PPP2R2B: variants seen among roughly 807,000 people sequenced by gnomAD.
The protein encoded by PPP2R2B is serine/threonine-protein phosphatase 2A 55 kDa regulatory subunit B beta isoform.
A neutral mutation model predicts 46.0 loss-of-function variants in PPP2R2B; 5 were observed. The ratio of observed to expected loss-of-function variants is 0.11; its 90% confidence interval spans 0.06 to 0.23. The LOEUF (loss-of-function observed/expected upper bound fraction) is 0.23, where lower values mean the gene tolerates loss of function less well. Among genes scored for constraint, PPP2R2B ranks in the 10% least tolerant of loss-of-function variants. The pLI, the probability that PPP2R2B is intolerant of heterozygous loss-of-function variation, is 1.00. For missense variants in PPP2R2B, 367 were observed against 575.0 expected (o/e 0.64, Z 3.70); for synonymous variants, 215 against 206.7 (o/e 1.04, Z -0.34).
rs549937557 is a variant in PPP2R2B, at chr5:146,847,346, T to A, written c.70+30656A>T. Among the ~76,000 whole-genome samples the A allele has an allele frequency of 9.8e-5, 15 of 152,348 alleles. No individual in the cohort carries two copies. The East Asian group carries it at 2.7e-3, about 27-fold the overall frequency. ...CTACTTCCTCCTCCTCTTAGGCTCC[T>A]CACACCAGTCATTCTGAACTCCACT... On this transcript the variant is annotated intron_variant, in intron 2 of 9. Transcript: ENST00000394411.
intron 7 of PPP2R2B, among the ~76,000 whole-genome samples, chr5:146,630,470 G>C (rs1254840705): frequency 6.6e-6 from 1 of 152,212 alleles, no homozygotes; most frequent in Non-Finnish European, 1.5e-5. Context: ...GTGTTCTCTT[G>C]AAGAGCTACA....
At chr5:147,054,981 C>T (rs973347426) in intron 1 of PPP2R2B, among the ~76,000 whole-genome samples, 4 of 152,142 alleles carry the variant, frequency 2.6e-5, no homozygotes, top group Non-Finnish European at 5.9e-5. Context: ...GTTTACAAGG[C>T]ACACATACAC....
intron 1 of PPP2R2B, among the ~76,000 whole-genome samples, chr5:146,963,927 T>G (rs899530582): frequency 6.6e-6 from 1 of 152,234 alleles, no homozygotes; most frequent in Non-Finnish European, 1.5e-5. Flanking sequence ...ACCTTTCAGG[T>G]CTCATTCAGA....
chr5:146,994,275 G>A (rs921408228), intron 1 of PPP2R2B, among the ~76,000 whole-genome samples: 3 of 152,150 alleles, frequency 2.0e-5, no homozygotes, highest in African/African-American at 7.2e-5. Flanking sequence ...GGCTCAGAGA[G>A]GTAATAACTT....
In PPP2R2B at chr5:146,587,866, C is replaced by A. The variant is rs944396642; in HGVS notation, c.*2081G>T. The A allele has an allele frequency of 5.3e-5, 8 of 152,164 alleles. No individual in the cohort carries two copies. Among genetic ancestry groups the A allele is most frequent in the African/African-American group, 1.9e-4 (8 of 41,442 alleles). 9.4% of individuals were successfully genotyped at this position (152,164 alleles called of 1,614,324 possible). ...AAAAAATGTTACATGAGTAATAGTA[C>A]AAATGTGAGTTGATTCTTAAGTTTG... On this transcript the variant is annotated 3_prime_UTR_variant, in exon 10 of 10. Transcript: ENST00000394411.
chr5:146,989,599 G>A (rs146835551), intron 1 of PPP2R2B, among the ~76,000 whole-genome samples: 334 of 151,990 alleles, frequency 2.2e-3, no homozygotes, highest in Middle Eastern at 3.4e-3. Flanking sequence ...AACATACCTC[G>A]ATACAATAAA....
chr5:146,859,333 C>T (rs192966758), intron 2 of PPP2R2B, among the ~76,000 whole-genome samples: 8 of 152,326 alleles, frequency 5.3e-5, no homozygotes, highest in Admixed American at 2.6e-4. Context: ...TAACTCCTTC[C>T]TTGCCTAATA....
chr5:147,052,603 CA>C (rs535231418), intron 1 of PPP2R2B, among the ~76,000 whole-genome samples: 62 of 152,228 alleles, frequency 4.1e-4, no homozygotes, highest in South Asian at 8.3e-4. Context: ...AAAAGAAAAG[CA>C]GCCCAAAAGT....
chr5:146,964,517 ATTTATT>A (rs554464642), intron 1 of PPP2R2B, among the ~76,000 whole-genome samples: 20 of 151,802 alleles, frequency 1.3e-4, no homozygotes, highest in East Asian at 5.8e-4. Context: ...CAGCTCCTGT[ATTTATT>A]TTTATTTTTA....
chr5:146,787,498 C>T (rs1286229794), intron 2 of PPP2R2B, among the ~76,000 whole-genome samples: 1 of 151,780 alleles, frequency 6.6e-6, no homozygotes, highest in Admixed American at 6.6e-5. Context: ...CCTTCCTTTC[C>T]TCTCTTTTCT....
At chr5:146,810,584 C>T (rs1757470182) in intron 2 of PPP2R2B, among the ~76,000 whole-genome samples, 1 of 152,108 alleles carries the variant, frequency 6.6e-6, no homozygotes, top group African/African-American at 2.4e-5. Flanking sequence ...GCTGGTGAAT[C>T]GTCCAGCCAG....
At chr5:146,650,758 C>A (rs368164267) in intron 5 of PPP2R2B, 34 bp from the exon 6 acceptor site, 7 of 1,583,256 alleles carry the variant, frequency 4.4e-6, no homozygotes, top group South Asian at 1.1e-5. Flanking sequence ...ACTTCAGAAC[C>A]AAAGATCTTC....
intron 8 of PPP2R2B, among the ~76,000 whole-genome samples, chr5:146,596,624 C>T (rs1771196582): frequency 6.6e-6 from 1 of 152,198 alleles, no homozygotes; most frequent in Admixed American, 6.5e-5. Context: ...CTTTCTTTTG[C>T]ATTAAGGATT....
chr5:146,954,754 A>ATGTG (rs1298534321), intron 1 of PPP2R2B, among the ~76,000 whole-genome samples: 12 of 87,758 alleles, frequency 1.4e-4, no homozygotes, highest in Admixed American at 2.8e-4. Context: ...ATATGTGTAT[A>ATGTG]TATGTGTGTG....
chr5:147,049,659 A>G (rs1353372274), intron 1 of PPP2R2B, among the ~76,000 whole-genome samples: 5 of 152,166 alleles, frequency 3.3e-5, no homozygotes, highest in Admixed American at 2.0e-4. Flanking sequence ...AGGGAGAGGG[A>G]AACAGAGAGA....
chr5:147,079,172 G>A (rs1333406706), intron 2 of PPP2R2B, among the ~76,000 whole-genome samples: 2 of 151,692 alleles, frequency 1.3e-5, no homozygotes, highest in Non-Finnish European at 2.9e-5. Flanking sequence ...CTCAAAAATA[G>A]ATGAGTTTAT....
chr5:146,667,332 G>GCACACACACA (rs144297178), intron 5 of PPP2R2B, among the ~76,000 whole-genome samples: 1 of 32,012 alleles, frequency 3.1e-5, no homozygotes, highest in African/African-American at 9.3e-5. Context: ...GCGTGCGCGC[G>GCACACACACA]CACACACACA....
chr5:146,646,489 G>C (rs189388947), intron 6 of PPP2R2B, among the ~76,000 whole-genome samples: 23 of 152,288 alleles, frequency 1.5e-4, no homozygotes, highest in Admixed American at 3.9e-4. Context: ...GTGGGAAACT[G>C]TTACACAAGA....
At chr5:146,976,751 C>T (rs1752925872) in intron 1 of PPP2R2B, among the ~76,000 whole-genome samples, 1 of 152,084 alleles carries the variant, frequency 6.6e-6, no homozygotes, top group African/African-American at 2.4e-5. Flanking sequence ...TCTGAGTAAG[C>T]AGGCAAATGC....
Sources: gnomAD v4.1 joint callset for allele counts (sites outside exome capture counted in the v4.1 genomes callset) on GRCh38, gnomAD v4.1.1 for gene constraint, MANE v1.5 for transcripts, NCBI Gene and HGNC (gene_info 2026-07-23, HGNC 2026-07-21) for gene names.